The following SHANK2 variants were observed in gnomAD, a reference collection of about 807,000 sequenced individuals.
SHANK2 encodes SH3 and multiple ankyrin repeat domains 2.
A neutral mutation model predicts 133.7 loss-of-function variants in SHANK2; 43 were observed. The observed-to-expected ratio is 0.32, with a 90% CI of 0.25 to 0.41. The LOEUF (loss-of-function observed/expected upper bound fraction) is 0.41, where lower values mean the gene tolerates loss of function less well. Ranked by LOEUF, SHANK2 falls within the 10% of genes least tolerant of loss-of-function variation. The pLI, the probability that SHANK2 is intolerant of heterozygous loss-of-function variation, is 1.00. For missense variants in SHANK2, 1,994 were observed against 2,235.8 expected, an observed-to-expected ratio of 0.89 and a Z score of 2.18; for synonymous variants, 1,017 against 952.8, an observed-to-expected ratio of 1.07 and a Z score of -1.24.
intron 16 of SHANK2, among the ~76,000 whole-genome samples, chr11:70,661,340 C>T (rs782293325): frequency 1.3e-4 from 20 of 152,256 alleles, no homozygotes; most frequent in Middle Eastern, 3.4e-3. Context: ...AGAACAACAT[C>T]ATCTACAGAA....
At chr11:71,243,713 ATAATAAT>A (rs1354484795) in intron 1 of SHANK2, among the ~76,000 whole-genome samples, 1 of 152,154 alleles carries the variant, frequency 6.6e-6, no homozygotes, top group Non-Finnish European at 1.5e-5. Flanking sequence ...AATAACAATA[ATAATAAT>A]GAGACGGTGC....
At chr11:70,757,232 C>G (rs1946894575) in intron 14 of SHANK2, among the ~76,000 whole-genome samples, 1 of 152,214 alleles carries the variant, frequency 6.6e-6, no homozygotes, top group African/African-American at 2.4e-5. Flanking sequence ...TCCCACCCAG[C>G]TTTGCCATTT....
intron 1 of SHANK2, among the ~76,000 whole-genome samples, chr11:71,230,908 T>C (rs1555122871): frequency 2.6e-5 from 4 of 152,206 alleles, no homozygotes; most frequent in Non-Finnish European, 5.9e-5. Flanking sequence ...TCATGCCTTA[T>C]ACAAAAATTA....
intron 1 of SHANK2, among the ~76,000 whole-genome samples, chr11:71,239,724 A>G (rs1954865019): frequency 6.6e-6 from 1 of 152,152 alleles, no homozygotes; most frequent in African/African-American, 2.4e-5. Context: ...ACCTACCCAC[A>G]TCGGCCTCCC....
intron 21 of SHANK2, among the ~76,000 whole-genome samples, chr11:70,493,776 C>G (rs1401776080): frequency 2.0e-5 from 3 of 152,210 alleles, no homozygotes; most frequent in African/African-American, 7.2e-5. Flanking sequence ...AGCAGGCCAT[C>G]TGGAACATTC....
At chr11:70,543,498 A>T (rs1554975625) in intron 17 of SHANK2, among the ~76,000 whole-genome samples, 1 of 152,124 alleles carries the variant, frequency 6.6e-6, no homozygotes, top group African/African-American at 2.4e-5. Flanking sequence ...ACTTCCATAA[A>T]ACCCCCAAAA....
intron 1 of SHANK2, among the ~76,000 whole-genome samples, chr11:71,251,452 G>C (rs1433804823): frequency 2.0e-5 from 3 of 152,056 alleles, no homozygotes; most frequent in African/African-American, 4.8e-5. Context: ...CAAGTGACGA[G>C]TGCGCTGTCG....
intron 17 of SHANK2, among the ~76,000 whole-genome samples, chr11:70,636,746 G>A (rs531040419): frequency 4.2e-5 from 1 of 24,090 alleles, no homozygotes; most frequent in Admixed American, 3.6e-4. Context: ...ATATGTGTGA[G>A]CATGTGTGTG....
At chr11:70,835,358 AG>A (rs1429489960) in intron 11 of SHANK2, among the ~76,000 whole-genome samples, 1 of 152,126 alleles carries the variant, frequency 6.6e-6, no homozygotes, top group African/African-American at 2.4e-5. Context: ...CCAGTTCTCG[AG>A]GACACAGGAC....
chr11:71,079,587 C>T (rs952653696), intron 8 of SHANK2, among the ~76,000 whole-genome samples: 5 of 151,668 alleles, frequency 3.3e-5, no homozygotes, highest in African/African-American at 9.7e-5. Flanking sequence ...AGTGAAACCC[C>T]GTCTCTACTA....
At chr11:71,217,862 GT>G (rs1275265645) in intron 2 of SHANK2, among the ~76,000 whole-genome samples, 2 of 152,064 alleles carry the variant, frequency 1.3e-5, no homozygotes, top group Admixed American at 6.5e-5. Context: ...TTTTTTGTTT[GT>G]TTTTTGAGAC....
At chr11:70,885,124 TG>T (rs1472134080) in intron 11 of SHANK2, among the ~76,000 whole-genome samples, 1 of 152,148 alleles carries the variant, frequency 6.6e-6, no homozygotes, top group Non-Finnish European at 1.5e-5. Context: ...CTAAGAGAAC[TG>T]GGGTCTCGTG....
chr11:70,935,136 C>T (rs1276335824), intron 10 of SHANK2, among the ~76,000 whole-genome samples: 2 of 152,126 alleles, frequency 1.3e-5, no homozygotes, highest in South Asian at 4.1e-4. Context: ...AATTGTGTGC[C>T]ATTCTGGGCA....
chr11:70,599,505 G>C (rs2060448505), intron 17 of SHANK2, among the ~76,000 whole-genome samples: 1 of 131,976 alleles, frequency 7.6e-6, no homozygotes. Context: ...TACTCGGGAG[G>C]CTGAGGCAGG....
At chr11:70,791,595 T>C (rs1018256166) in intron 14 of SHANK2, among the ~76,000 whole-genome samples, 1 of 152,242 alleles carries the variant, frequency 6.6e-6, no homozygotes, top group Non-Finnish European at 1.5e-5. Flanking sequence ...AGAAGTCTAC[T>C]CAGAGCTAGC....
At chr11:70,898,802 C>T (rs1481624425) in intron 10 of SHANK2, among the ~76,000 whole-genome samples, 2 of 152,218 alleles carry the variant, frequency 1.3e-5, no homozygotes, top group African/African-American at 4.8e-5. Context: ...GTGAAAAAGC[C>T]TAACCACATT....
At chr11:70,948,385 A>C (rs1404140159) in intron 10 of SHANK2, 3 of 457,040 alleles carry the variant, frequency 6.6e-6, no homozygotes, top group African/African-American at 4.0e-5. Flanking sequence ...TCTTACGAGA[A>C]ACTCCATATG....
intron 17 of SHANK2, among the ~76,000 whole-genome samples, chr11:70,596,731 C>G (rs1161599281): frequency 2.0e-5 from 3 of 152,212 alleles, no homozygotes; most frequent in African/African-American, 7.2e-5. Flanking sequence ...TAGACCACAA[C>G]AGTCCACTCT....
chr11:71,186,876 C>T (rs1555114546), intron 2 of SHANK2, among the ~76,000 whole-genome samples: 2 of 152,260 alleles, frequency 1.3e-5, no homozygotes, highest in Non-Finnish European at 1.5e-5. Context: ...CCCAGCCTCA[C>T]CTCACCATCC....
Sources: gnomAD v4.1 joint callset for allele counts (sites outside exome capture counted in the v4.1 genomes callset) on GRCh38, gnomAD v4.1.1 for gene constraint, MANE v1.5 for transcripts, NCBI Gene and HGNC (gene_info 2026-07-23, HGNC 2026-07-21) for gene names.